EML5: variants seen among roughly 807,000 people sequenced by gnomAD.
The protein encoded by EML5 is echinoderm microtubule-associated protein-like 5.
A neutral mutation model predicts 250.0 loss-of-function variants in EML5; 120 were observed. The ratio of observed to expected loss-of-function variants is 0.48; its 90% CI spans 0.41 to 0.56. The LOEUF (loss-of-function observed/expected upper bound fraction) is 0.56. Among genes scored for constraint, EML5 ranks in the 20% least tolerant of loss-of-function variants. EML5 has a pLI of 0.00. For synonymous variants in EML5, 771 were observed against 806.5 expected, an observed-to-expected ratio of 0.96 and a Z score of 0.75; for missense variants, 2,006 against 2,437.6, an observed-to-expected ratio of 0.82 and a Z score of 3.73.
intron 1 of EML5, among the ~76,000 whole-genome samples, chr14:88,759,675 C>T (rs1290194148): frequency 1.3e-5 from 1 of 78,114 alleles, no homozygotes; most frequent in African/African-American, 8.9e-5. Flanking sequence ...CAGGGCAAGT[C>T]ACCATCTCTT....
At chr14:88,684,950 C>A in intron 20 of EML5, 65 bp downstream of exon 20, 2 of 1,358,032 alleles carry the variant, frequency 1.5e-6, no homozygotes, top group East Asian at 2.5e-5. Context: ...CAACTTTTGG[C>A]TCTTATATAT....
Position 88,702,615 on chromosome 14 carries a change from C to T in EML5, c.2069G>A (p.Cys690Tyr), listed in dbSNP as rs2093237146. The T allele has an allele frequency of 6.3e-7, 1 of 1,585,186 alleles. No homozygotes were observed. ...HFVHGYRGYD[C>Y]RSNLFYTQIG... is the part of the protein sequence containing the mutation. Reference sequence around the variant, plus strand: ...TTGAGTATAAAACAGATTACTTCGACAGTCATAACCTCTGTAACTAATATA... The same window carrying T: ...TTGAGTATAAAACAGATTACTTCGATAGTCATAACCTCTGTAACTAATATA... Residue 690 changes from cysteine (C) to tyrosine (Y), a missense_variant, in exon 14 of 44, where the codon TGT becomes TAT. By Grantham distance (194) the Cys-to-Tyr change is radical (BLOSUM62 -2). Transcript: ENST00000554922.
intron 26 of EML5, 29 bp downstream of exon 26, chr14:88,658,158 T>G (rs1018848622): frequency 2.8e-5 from 45 of 1,608,958 alleles, no homozygotes; most frequent in Non-Finnish European, 3.7e-5. Context: ...TTCCCTATAT[T>G]TTTGTTCAAG....
rs1224498450 is a variant in EML5 at position 88,665,398 on chromosome 14, T to TA, written c.3215dup (p.Glu1073ArgfsTer32). 1 of 1,613,888 alleles carries TA rather than the reference T, an allele frequency of 6.2e-7. No individual in the cohort carries two copies. The highest frequency in any genetic ancestry group is 1.3e-5 in the African/African-American group (1 of 74,938). On this transcript the variant is annotated frameshift_variant, in exon 22 of 44. Transcript: ENST00000554922. LOFTEE classifies it high-confidence loss of function. ...TGTGATGAAAAGACACAAGATCCTC[T>TA]AGAGTATCCGCATTTGCCATTAAGA... is the stretch of plus-strand genomic sequence containing the variant.
chr14:88,765,749 A>G (rs976255444), intron 1 of EML5, among the ~76,000 whole-genome samples: 1 of 152,172 alleles, frequency 6.6e-6, no homozygotes, highest in Non-Finnish European at 1.5e-5. Flanking sequence ...AGTCCCCTGG[A>G]GAATTATTTA....
chr14:88,769,546 A>G (rs1448066317), intron 1 of EML5, among the ~76,000 whole-genome samples: 1 of 152,170 alleles, frequency 6.6e-6, no homozygotes, highest in Non-Finnish European at 1.5e-5. Context: ...CAATATCTAA[A>G]AGGGCTCCTT....
At chr14:88,791,754 G>A (rs2094610158) in intron 1 of EML5, among the ~76,000 whole-genome samples, 1 of 152,162 alleles carries the variant, frequency 6.6e-6, no homozygotes, top group Non-Finnish European at 1.5e-5. Flanking sequence ...CCAGTGAATT[G>A]CCTGGAGGTT....
At chr14:88,644,555 G>C in intron 29 of EML5, 44 bp from the exon 30 acceptor site, 1 of 1,565,748 alleles carries the variant, frequency 6.4e-7, no homozygotes. Flanking sequence ...GCAGCACTCA[G>C]TGCCTTCACT....
chr14:88,635,387 TGA>T (rs970391645), intron 32 of EML5, among the ~76,000 whole-genome samples: 2 of 152,098 alleles, frequency 1.3e-5, no homozygotes, highest in Non-Finnish European at 2.9e-5. Flanking sequence ...AACCAAATGG[TGA>T]GAGGGCTTGG....
intron 17 of EML5, among the ~76,000 whole-genome samples, chr14:88,693,965 G>T (rs2093020127): frequency 1.3e-5 from 2 of 149,222 alleles, no homozygotes. Flanking sequence ...TAGAGACAGG[G>T]TCTCACTATG....
intron 7 of EML5, among the ~76,000 whole-genome samples, chr14:88,735,276 T>C (rs1263346625): frequency 6.6e-6 from 1 of 152,170 alleles, no homozygotes; most frequent in African/African-American, 2.4e-5. Context: ...ATGTTGCTCG[T>C]CTAGGAACCA....
At chr14:88,739,103 C>T in intron 5 of EML5, 89 bp from the exon 6 acceptor site, 2 of 1,266,014 alleles carry the variant, frequency 1.6e-6, no homozygotes, top group Non-Finnish European at 2.1e-6. Context: ...ACCAATTTAA[C>T]AATATTTTGG....
At chr14:88,683,967 G>C (rs2092770866) in intron 20 of EML5, among the ~76,000 whole-genome samples, 2 of 151,876 alleles carry the variant, frequency 1.3e-5, no homozygotes, top group Admixed American at 1.3e-4. Context: ...AAGACTATTG[G>C]ACAAGAAAAA....
intron 5 of EML5, among the ~76,000 whole-genome samples, chr14:88,739,773 G>C (rs767040771): frequency 6.6e-6 from 1 of 151,818 alleles, no homozygotes; most frequent in Non-Finnish European, 1.5e-5. Context: ...ATGAATAAAG[G>C]AAAGAAAACC....
At chr14:88,787,892 C>T (rs921727357) in intron 1 of EML5, among the ~76,000 whole-genome samples, 7 of 151,970 alleles carry the variant, frequency 4.6e-5, no homozygotes, top group Non-Finnish European at 7.3e-5. Flanking sequence ...ATTTCTCAAA[C>T]GGCTTGTGTT....
chr14:88,633,398 G>A (rs1197655117), intron 33 of EML5, among the ~76,000 whole-genome samples: 1 of 152,006 alleles, frequency 6.6e-6, no homozygotes, highest in Non-Finnish European at 1.5e-5. Flanking sequence ...TTACAGGTGT[G>A]AGCCACTATA....
chr14:88,706,653 C>G (rs1214611036), intron 10 of EML5, among the ~76,000 whole-genome samples: 1 of 152,146 alleles, frequency 6.6e-6, no homozygotes, highest in Non-Finnish European at 1.5e-5. Flanking sequence ...CATTATCTTA[C>G]CACTTTGAGA....
At position 88,746,283 on chromosome 14, in the gene EML5, G is replaced by A. The variant is rs1359713699; in HGVS notation, c.358C>T (p.Arg120Cys). Residue 120 changes from arginine (R) to cysteine (C), a missense_variant and splice_region_variant, in exon 3 of 44, where the codon CGC becomes TGC. Physicochemically the swap from Arg to Cys is radical, Grantham distance 180. Coordinates refer to ENST00000554922, the MANE Select transcript of EML5 (RefSeq NM_183387.3). ...ACLAFDLDGQ[R>C]LVSVGLDSKN... ...GAATCAAGTCCAACTGAAACCAAGC[G>A]CTGATTTATGTCCAAGAAGTCCAGG... The A allele has an allele frequency of 5.0e-6, 8 of 1,612,006 alleles. No individual in the cohort carries two copies. The highest frequency in any genetic ancestry group is 6.8e-6 in the Non-Finnish European group (8 of 1,178,986).
intron 28 of EML5, 75 bp downstream of exon 28, chr14:88,649,837 T>C (rs1273386953): frequency 3.3e-6 from 4 of 1,208,862 alleles, no homozygotes; most frequent in African/African-American, 1.6e-5. Flanking sequence ...AGGGAAAAAA[T>C]ACCTTAAAAT....
Sources: allele counts gnomAD v4.1 joint callset (sites outside exome capture counted in the v4.1 genomes callset), GRCh38; gene constraint gnomAD v4.1.1; transcripts MANE v1.5; gene names NCBI Gene and HGNC (gene_info 2026-07-23, HGNC 2026-07-21).